HYDIN: variants seen among roughly 807,000 people sequenced by gnomAD.
The protein encoded by HYDIN is axonemal central pair apparatus protein HYDIN.
In HYDIN, 132 loss-of-function variants were observed where a neutral mutation model predicts 403.9. The ratio of observed to expected loss-of-function variants is 0.33; its 90% CI spans 0.28 to 0.38. HYDIN has a LOEUF of 0.38. Among genes scored for constraint, HYDIN ranks in the 10% least tolerant of loss-of-function variants. The pLI, the probability that HYDIN is intolerant of heterozygous loss-of-function variation, is 1.00. For synonymous variants in HYDIN, 1,202 were observed against 1,891.7 expected (o/e 0.64, Z 9.46); for missense variants, 2,827 against 5,009.5 (o/e 0.56, Z 13.15).
At chr16:71,188,347 C>A (rs541425119) in intron 1 of HYDIN, among the ~76,000 whole-genome samples, 1 of 152,244 alleles carries the variant, frequency 6.6e-6, no homozygotes, top group East Asian at 1.9e-4. Flanking sequence ...GAACCATAAC[C>A]TTTTCATATC....
At chr16:70,819,198 A>G (rs1419022754) in intron 83 of HYDIN, among the ~76,000 whole-genome samples, 1 of 151,986 alleles carries the variant, frequency 6.6e-6, no homozygotes, top group Non-Finnish European at 1.5e-5. Flanking sequence ...TATAGGTGTG[A>G]GCCACAGTGC....
Position 70,805,956 on chromosome 16 carries a change from A to G in HYDIN, c.*1624T>C, listed in dbSNP as rs1238745218. On this transcript the variant is annotated 3_prime_UTR_variant, in exon 86 of 86. Coordinates refer to ENST00000393567, the MANE Select transcript of HYDIN (RefSeq NM_001270974.2). ...CATGCCATCCCACTCCATCCTGCTC[A>G]GGATGTGAATCATCCCCTCGTCTAG... Among the ~76,000 whole-genome samples, 3 of 152,214 alleles carry G rather than the reference A, an allele frequency of 2.0e-5. No homozygotes were observed. Among genetic ancestry groups the G allele is most frequent in the Non-Finnish European group, 4.4e-5 (3 of 68,032 alleles).
intron 14 of HYDIN, among the ~76,000 whole-genome samples, chr16:71,068,809 T>C (rs2082360402): frequency 6.6e-6 from 1 of 152,308 alleles, no homozygotes; most frequent in South Asian, 2.1e-4. Context: ...TGATACCACA[T>C]CCACATCCAC....
At chr16:70,902,057 A>C (rs1175544696) in intron 52 of HYDIN, among the ~76,000 whole-genome samples, 2 of 151,344 alleles carry the variant, frequency 1.3e-5, no homozygotes, top group African/African-American at 2.4e-5. Context: ...TGCATTGTTC[A>C]AAGGTCAACC....
intron 8 of HYDIN, among the ~76,000 whole-genome samples, chr16:71,134,901 T>C (rs1394167168): frequency 6.6e-6 from 1 of 152,174 alleles, no homozygotes; most frequent in African/African-American, 2.4e-5. Flanking sequence ...ATGACTGGTA[T>C]CCTTTTTCCC....
intron 1 of HYDIN, among the ~76,000 whole-genome samples, chr16:71,190,346 T>TAA (rs11330665): frequency 0.35 from 51,045 of 147,742 alleles, 9,099 homozygotes; most frequent in East Asian, 0.57. Flanking sequence ...AATTTGAGCA[T>TAA]AAAAAAAAAA....
chr16:70,951,222 G>A (rs1053426781), intron 41 of HYDIN, among the ~76,000 whole-genome samples: 1 of 151,276 alleles, frequency 6.6e-6, no homozygotes, highest in African/African-American at 2.4e-5. Flanking sequence ...GTGACACAGT[G>A]AGACCCTGAC....
chr16:70,902,821 A>ATATATTTTTTTTTTTTTTTTTTTT, intron 52 of HYDIN, among the ~76,000 whole-genome samples: 5 of 47,298 alleles, frequency 1.1e-4, no homozygotes, highest in East Asian at 5.5e-4. Context: ...ATATATATAT[A>ATATATTTTTTTTTTTTTTTTTTTT]TTTTTTTTTT....
At position 70,955,527 on chromosome 16, in the gene HYDIN, C is replaced by T. The variant is rs757066593; in HGVS notation, c.6164G>A (p.Ser2055Asn). ...GGCTGCGTTGTAGTACTTGGCCACG[C>T]TAACGGCATTGGCTGACTTTCCTAT... ...PLSGKSANAV[S>N]VAKYYNAACL... Residue 2055 changes from serine (S) to asparagine (N), a missense_variant, in exon 40 of 86, where the codon AGC becomes AAC. Coordinates refer to ENST00000393567, the MANE Select transcript of HYDIN (RefSeq NM_001270974.2). The T allele has an allele frequency of 6.6e-7, 1 of 1,519,336 alleles. No homozygotes were observed. The highest frequency in any genetic ancestry group is 1.2e-5 in the South Asian group (1 of 86,312). 94.1% of individuals were successfully genotyped at this position (1,519,336 alleles called of 1,614,324 possible).
At chr16:71,174,071 A>G (rs1348357800) in intron 5 of HYDIN, among the ~76,000 whole-genome samples, 1 of 152,244 alleles carries the variant, frequency 6.6e-6, no homozygotes, top group Non-Finnish European at 1.5e-5. Context: ...GAGGACTTCA[A>G]CAATATGCAA....
Position 70,834,043 on chromosome 16 carries a change from C to T in HYDIN, c.13523G>A (p.Cys4508Tyr). Residue 4508 changes from cysteine (C) to tyrosine (Y), a missense_variant, in exon 79 of 86, where the codon TGC becomes TAC. Transcript: ENST00000393567. ...GAAGAGGGGGCGCAGGAGCCCCATGCATTCCATGAACACTTCCTCAGAGAA... is the reference window on the plus strand; with the variant it reads ...GAAGAGGGGGCGCAGGAGCCCCATGTATTCCATGAACACTTCCTCAGAGAA... ...PPFSEEVFME[C>Y]MGLLRPLFLL... The T allele has an allele frequency of 6.2e-7, 1 of 1,600,462 alleles. No individual in the cohort carries two copies. Among genetic ancestry groups the T allele is most frequent in the South Asian group, 1.1e-5 (1 of 90,750 alleles).
Position 70,818,418 on chromosome 16 carries a change from G to C in HYDIN, c.14582C>G (p.Ser4861Trp), listed in dbSNP as rs775704796. The change falls in exon 84 of 86, where the codon TCG becomes TGG. Residue 4861 changes from serine (S) to tryptophan (W), a missense_variant. Physicochemically the swap from Ser to Trp is radical, Grantham distance 177. Transcript: ENST00000393567. ...CCGGCATTCCGTGGAGAAGGTCACC[G>C]AGTAGGGCAGAGGGTTCTCCAACTT... ...SIKLENPLPY[S>W]VTFSTECRMP... The C allele has an allele frequency of 1.2e-6, 2 of 1,612,856 alleles. No homozygotes were observed. The highest frequency in any genetic ancestry group is 1.3e-5 in the African/African-American group (1 of 74,884).
rs193203641 is a variant in HYDIN, at chr16:70,804,743, G to C, written c.*2837C>G. ...GGCACCAAACAGCTATGAGGAAGCA[G>C]GTCTGAGCGCAGGCTGATCTAGTGA... On this transcript the variant is annotated 3_prime_UTR_variant, in exon 86 of 86. Coordinates refer to ENST00000393567, the MANE Select transcript of HYDIN (RefSeq NM_001270974.2). 6.6e-6 allele frequency among the ~76,000 whole-genome samples: 1 copy of C among 152,262 alleles called. No individual in the cohort carries two copies. The highest frequency in any genetic ancestry group is 1.5e-5 in the Non-Finnish European group (1 of 68,046).
At chr16:71,139,095 G>GAA (rs71758936) in intron 7 of HYDIN, among the ~76,000 whole-genome samples, 288 of 103,410 alleles carry the variant, frequency 2.8e-3, no homozygotes, top group East Asian at 4.6e-3. Flanking sequence ...AAATAAAGAA[G>GAA]AAAAAAAAAA....
intron 41 of HYDIN, among the ~76,000 whole-genome samples, chr16:70,949,915 G>A (rs535183900): frequency 2.6e-5 from 4 of 152,410 alleles, no homozygotes; most frequent in Admixed American, 6.5e-5. Flanking sequence ...CCAAGGAAAT[G>A]AGTTTTGATA....
chr16:70,908,536 G>A (rs1275011744), intron 48 of HYDIN, 102 bp from the exon 49 acceptor site: 17 of 1,513,918 alleles, frequency 1.1e-5, no homozygotes, highest in Non-Finnish European at 1.5e-5. Context: ...GGTGGGCATG[G>A]TGGCCCCTGG....
intron 36 of HYDIN, among the ~76,000 whole-genome samples, chr16:70,969,387 G>T (rs1353102888): frequency 6.6e-6 from 1 of 152,136 alleles, no homozygotes; most frequent in East Asian, 1.9e-4. Flanking sequence ...AAAGCAGTGA[G>T]AGAGAGATGA....
intron 40 of HYDIN, among the ~76,000 whole-genome samples, chr16:70,954,353 G>A (rs1351715713): frequency 7.2e-5 from 9 of 124,800 alleles, no homozygotes; most frequent in African/African-American, 2.8e-4. Flanking sequence ...CAGCTACTCT[G>A]GAGGCGAATG....
At chr16:71,100,067 G>A (rs917923558) in intron 10 of HYDIN, among the ~76,000 whole-genome samples, 3 of 151,958 alleles carry the variant, frequency 2.0e-5, no homozygotes, top group Non-Finnish European at 4.4e-5. Flanking sequence ...ATTTACGAAG[G>A]TCAACTGTAT....
Sources: allele counts gnomAD v4.1 joint callset (sites outside exome capture counted in the v4.1 genomes callset), GRCh38; gene constraint gnomAD v4.1.1; transcripts MANE v1.5; gene names NCBI Gene and HGNC (gene_info 2026-07-23, HGNC 2026-07-21).